Variants in LSM4 observed in about 807,000 individuals in gnomAD.
The protein encoded by LSM4 is LSM4 homolog, U6 small nuclear RNA and mRNA degradation associated, also known as U6 snRNA-associated Sm-like protein LSm4.
Under a neutral mutation model 22.3 loss-of-function variants are expected in LSM4, and 15 were observed. The ratio of observed to expected loss-of-function variants is 0.67; its 90% CI spans 0.45 to 1.03. LSM4 has a LOEUF of 1.03. LSM4 is among the 50% of genes least tolerant of loss of function. The probability of loss-of-function intolerance (pLI) is 0.00; values close to 1 mark genes in which losing one functional copy is unlikely to be tolerated. For synonymous variants in LSM4, 90 were observed against 79.8 expected (o/e 1.13, Z -0.68); for missense variants, 127 against 198.0 (o/e 0.64, Z 2.15).
At chr19:18,308,442 C>T (rs139942410) in intron 4 of LSM4, among the ~76,000 whole-genome samples, 37 of 152,352 alleles carry the variant, frequency 2.4e-4, no homozygotes, top group African/African-American at 6.0e-4. Context: ...GCTGGACGAA[C>T]GCTTGAGGAA....
chr19:18,319,103 G>A (rs950867879), intron 1 of LSM4, among the ~76,000 whole-genome samples: 1 of 151,898 alleles, frequency 6.6e-6, no homozygotes, highest in African/African-American at 2.4e-5. Flanking sequence ...TTAGCTGGGC[G>A]TGGTGGTAGG....
At position 18,307,459 on chromosome 19, in the gene LSM4, G is replaced by C. The variant is rs1272328821; in HGVS notation, c.*5C>G. 2.7e-5 allele frequency: 41 copies of C among 1,533,148 alleles called. No individual in the cohort carries two copies. The highest frequency in any genetic ancestry group is 3.5e-5 in the Non-Finnish European group (40 of 1,141,930). The allele number at this position is 1,533,148 out of a possible 1,614,324, so 95.0% of individuals were successfully genotyped here. A position where few individuals can be genotyped will look rare whatever the true frequency, so the allele number is the denominator to read the frequency against. Reference sequence around the variant, plus strand: ...GGGGGCGCAGCAGCCGGTCTGGGTGGGCGCTCACTGTTTGCCCGCCTGTCT... The same window carrying C: ...GGGGGCGCAGCAGCCGGTCTGGGTGCGCGCTCACTGTTTGCCCGCCTGTCT... On this transcript the variant is annotated 3_prime_UTR_variant, in exon 5 of 5. Transcript: ENST00000593829.
chr19:18,322,927 C>T, intron 1 of LSM4, 91 bp downstream of exon 1: 5 of 1,542,952 alleles, frequency 3.2e-6, no homozygotes, highest in Non-Finnish European at 3.5e-6. Context: ...GTTCGCCCCG[C>T]GCCAACCAAG....
chr19:18,314,044 C>T (rs1447679167), intron 2 of LSM4, among the ~76,000 whole-genome samples: 2 of 151,810 alleles, frequency 1.3e-5, no homozygotes, highest in Non-Finnish European at 2.9e-5. Flanking sequence ...GAACTCCTGA[C>T]CTCAGGTGAT....
chr19:18,310,971 C>T (rs1044654867), intron 3 of LSM4, among the ~76,000 whole-genome samples: 1 of 152,206 alleles, frequency 6.6e-6, no homozygotes, highest in Non-Finnish European at 1.5e-5. Flanking sequence ...GCCTTACCTG[C>T]CCGAATCCCC....
chr19:18,312,405 C>T (rs540535638), intron 3 of LSM4, 199 bp downstream of exon 3: 2 of 542,910 alleles, frequency 3.7e-6, no homozygotes, highest in East Asian at 6.5e-5. Context: ...AAGTCTCCCA[C>T]AGGGTCAAAG....
At chr19:18,320,670 G>A (rs1271901021) in intron 1 of LSM4, among the ~76,000 whole-genome samples, 16 of 151,388 alleles carry the variant, frequency 1.1e-4, no homozygotes, top group Admixed American at 8.6e-4. Flanking sequence ...GTGGTGGTGC[G>A]TGCCTGTAAT....
At chr19:18,312,850 G>A in intron 2 of LSM4, 148 bp from the exon 3 acceptor site, 1 of 634,478 alleles carries the variant, frequency 1.6e-6, no homozygotes, top group Non-Finnish European at 2.9e-6. Flanking sequence ...TTCCTTACAG[G>A]CGACAGGCTC....
At chr19:18,319,248 A>C (rs995263676) in intron 1 of LSM4, among the ~76,000 whole-genome samples, 4 of 147,986 alleles carry the variant, frequency 2.7e-5, no homozygotes, top group East Asian at 2.0e-4. Context: ...TCAAAAAAAA[A>C]CAAAAAACAA....
chr19:18,307,106 C>CGTCTGG lies in LSM4; in HGVS notation c.*352_*357dup, dbSNP rs1272527923. On this transcript the variant is annotated 3_prime_UTR_variant, in exon 5 of 5. Transcript: ENST00000593829. ...TGAACAGCTTAAAATAAAAATCTCC[C>CGTCTGG]GTCTGGTTGCTGCTCGGAGAGGCTC... 4.8e-6 allele frequency: 1 copy of CGTCTGG among 207,812 alleles called. No homozygotes were observed. The highest frequency in any genetic ancestry group is 9.5e-6 in the Non-Finnish European group (1 of 105,006). 12.9% of individuals were successfully genotyped at this position (207,812 alleles called of 1,614,324 possible). A position where few individuals can be genotyped will look rare whatever the true frequency, so the allele number is the denominator to read the frequency against.
intron 1 of LSM4, among the ~76,000 whole-genome samples, chr19:18,319,175 G>C (rs770257490): frequency 6.6e-6 from 1 of 152,132 alleles, no homozygotes; most frequent in Non-Finnish European, 1.5e-5. Context: ...CCAGGAGGCA[G>C]AGGTTGCAGT....
chr19:18,317,579 C>A (rs903304571), intron 1 of LSM4, among the ~76,000 whole-genome samples: 2 of 152,080 alleles, frequency 1.3e-5, no homozygotes, highest in African/African-American at 4.8e-5. Context: ...GATCTCCTGA[C>A]CCCGTGATCC....
chr19:18,318,060 C>G (rs1960592834), intron 1 of LSM4, among the ~76,000 whole-genome samples: 1 of 152,182 alleles, frequency 6.6e-6, no homozygotes, highest in Non-Finnish European at 1.5e-5. Context: ...CCTGACAAGA[C>G]AGTGCCTCAT....
chr19:18,318,670 A>G (rs1970387493), intron 1 of LSM4, among the ~76,000 whole-genome samples: 1 of 152,268 alleles, frequency 6.6e-6, no homozygotes, highest in Admixed American at 6.5e-5. Flanking sequence ...GGGAAGGCGC[A>G]GAGGTCAGGC....
Position 18,314,212 on chromosome 19 carries a change from T to C in LSM4, c.46-1510A>G, listed in dbSNP as rs1970327828. ...AGCCAAAAAGGGGAAAGAGCCCAGA[T>C]GCCTATCAGCAGACAAACACATAAA... On this transcript the variant is annotated intron_variant, in intron 2 of 4. Coordinates refer to ENST00000593829, the MANE Select transcript of LSM4 (RefSeq NM_012321.5). Among the ~76,000 whole-genome samples, 6 of 152,088 alleles carry C rather than the reference T, an allele frequency of 3.9e-5. No homozygotes were observed. In the South Asian group the frequency reaches 1.2e-3, roughly 32 times the overall value.
chr19:18,319,843 CTTGT>C (rs1430525731), intron 1 of LSM4, among the ~76,000 whole-genome samples: 1 of 152,148 alleles, frequency 6.6e-6, no homozygotes, highest in Non-Finnish European at 1.5e-5. Flanking sequence ...CTTTAATTAC[CTTGT>C]TTATTACCTG....
chr19:18,322,952 C>T (rs1970441582), intron 1 of LSM4, 66 bp downstream of exon 1: 1 of 1,579,260 alleles, frequency 6.3e-7, no homozygotes. Context: ...CAGCGCCCGC[C>T]CGCAGGGATC....
chr19:18,315,123 C>T (rs769541234), intron 2 of LSM4, among the ~76,000 whole-genome samples: 13 of 152,010 alleles, frequency 8.6e-5, no homozygotes, highest in Non-Finnish European at 1.5e-4. Flanking sequence ...CTGATCTGCC[C>T]GCCTCGGCCT....
chr19:18,308,542 G>C (rs1568296689), intron 4 of LSM4, among the ~76,000 whole-genome samples: 1 of 152,236 alleles, frequency 6.6e-6, no homozygotes, highest in Non-Finnish European at 1.5e-5. Context: ...AGGGGCCAGA[G>C]GCCAGCGCTG....
Sources: gnomAD v4.1 joint callset for allele counts (sites outside exome capture counted in the v4.1 genomes callset) on GRCh38, gnomAD v4.1.1 for gene constraint, MANE v1.5 for transcripts, NCBI Gene and HGNC (gene_info 2026-07-23, HGNC 2026-07-21) for gene names.